GIGYF2: variants seen among roughly 807,000 people sequenced by gnomAD.
The protein encoded by GIGYF2 is GRB10 interacting GYF protein 2, also known as GRB10-interacting GYF protein 2.
A neutral mutation model predicts 208.1 loss-of-function variants in GIGYF2; 25 were observed. The observed-to-expected ratio is 0.12, with a 90% CI of 0.09 to 0.17. GIGYF2 has a LOEUF of 0.17. Ranked by LOEUF, GIGYF2 falls within the 10% of genes least tolerant of loss-of-function variation. The probability of loss-of-function intolerance (pLI) is 1.00; values close to 1 mark genes in which losing one functional copy is unlikely to be tolerated. For synonymous variants in GIGYF2, 534 were observed against 543.8 expected, an observed-to-expected ratio of 0.98 and a Z score of 0.25; for missense variants, 1,302 against 1,579.4, an observed-to-expected ratio of 0.82 and a Z score of 2.98.
At chr2:232,730,897 C>CAAAAAAAAA (rs34491260) in intron 2 of GIGYF2, among the ~76,000 whole-genome samples, 1 of 51,570 alleles carries the variant, frequency 1.9e-5, no homozygotes, top group Non-Finnish European at 3.7e-5. Context: ...GACTCCGTCT[C>CAAAAAAAAA]AAAAAAAAAA....
chr2:232,756,204 T>C lies in GIGYF2; in HGVS notation c.268-19T>C, dbSNP rs753849644. ...TCTTTTTTTCCTTTTTCTCTTTTTT[T>C]TTTTTTTTTTTTTGGCAGAGAAACT... On this transcript the variant is annotated intron_variant, in intron 5 of 28. Coordinates refer to ENST00000373563, the MANE Select transcript of GIGYF2 (RefSeq NM_001103146.3). 3.4e-6 allele frequency: 4 copies of C among 1,185,170 alleles called. No individual in the cohort carries two copies. Among genetic ancestry groups the C allele is most frequent in the East Asian group, 5.5e-5 (2 of 36,420 alleles). 73.4% of individuals were successfully genotyped at this position (1,185,170 alleles called of 1,614,324 possible). A position where few individuals can be genotyped will look rare whatever the true frequency, so the allele number is the denominator to read the frequency against.
intron 2 of GIGYF2, among the ~76,000 whole-genome samples, chr2:232,721,385 A>G (rs949753198): frequency 2.0e-5 from 3 of 152,236 alleles, no homozygotes; most frequent in African/African-American, 2.4e-5. Flanking sequence ...CCTCGTGTTC[A>G]TAAGATGTTT....
chr2:232,716,221 T>G (rs765188505), intron 2 of GIGYF2, among the ~76,000 whole-genome samples: 3 of 152,172 alleles, frequency 2.0e-5, no homozygotes, highest in Non-Finnish European at 4.4e-5. Flanking sequence ...TTCATCTTAC[T>G]TAGCTGTTTT....
At chr2:232,797,981 C>CAAAAAAAAA (rs57991158) in intron 14 of GIGYF2, among the ~76,000 whole-genome samples, 1 of 102,384 alleles carries the variant, frequency 9.8e-6, no homozygotes, top group African/African-American at 3.7e-5. Context: ...ACTGTGCCTC[C>CAAAAAAAAA]AAAAAAAAAA....
chr2:232,699,236 G>A (rs371587858), intron 1 of GIGYF2, among the ~76,000 whole-genome samples: 36 of 152,290 alleles, frequency 2.4e-4, no homozygotes, highest in African/African-American at 8.7e-4. Flanking sequence ...AGGCTAGGGA[G>A]CAGCAAGAGC....
intron 2 of GIGYF2, among the ~76,000 whole-genome samples, chr2:232,722,818 A>G (rs1697006067): frequency 6.6e-6 from 1 of 152,184 alleles, no homozygotes. Context: ...AACAAACTCT[A>G]GCATAGAACA....
chr2:232,846,918 A>G (rs1347715110), intron 26 of GIGYF2, among the ~76,000 whole-genome samples: 2 of 152,198 alleles, frequency 1.3e-5, no homozygotes, highest in Non-Finnish European at 2.9e-5. Context: ...CACTGCTTAC[A>G]TTTTCCATTT....
chr2:232,776,802 T>TTGG (rs1201594864), intron 8 of GIGYF2: 4 of 231,176 alleles, frequency 1.7e-5, no homozygotes, highest in Non-Finnish European at 3.3e-5. Flanking sequence ...AGGACCGGTC[T>TTGG]TTAGTAAGTT....
intron 3 of GIGYF2, among the ~76,000 whole-genome samples, chr2:232,738,735 A>G (rs943078254): frequency 1.3e-5 from 2 of 152,222 alleles, no homozygotes; most frequent in South Asian, 2.1e-4. Context: ...AATGATATGT[A>G]TATATACCCT....
Position 232,790,931 on chromosome 2 carries a change from T to C in GIGYF2, c.930+16T>C. ...TTCTCTAAAAGTAAGAAACGTGTTT[T>C]AAATGTCATGACCAGCATTAACCTT... On this transcript the variant is annotated intron_variant, in intron 10 of 28. Transcript: ENST00000373563. 1 of 1,612,990 alleles carries C rather than the reference T, an allele frequency of 6.2e-7. No homozygotes were observed. Among genetic ancestry groups the C allele is most frequent in the Non-Finnish European group, 8.5e-7 (1 of 1,178,972 alleles).
chr2:232,756,143 A>T, intron 5 of GIGYF2, 80 bp from the exon 6 acceptor site: 1 of 789,228 alleles, frequency 1.3e-6, no homozygotes, highest in South Asian at 1.6e-5. Context: ...GGGAGAAGCA[A>T]CATGTAGTTT....
intron 2 of GIGYF2, among the ~76,000 whole-genome samples, chr2:232,716,278 A>C (rs1232352040): frequency 6.6e-6 from 1 of 151,934 alleles, no homozygotes; most frequent in African/African-American, 2.4e-5. Flanking sequence ...CTTTTAGCCT[A>C]GTAAATGAGT....
intron 24 of GIGYF2, 34 bp downstream of exon 24, chr2:232,844,289 A>G: frequency 6.2e-7 from 1 of 1,610,974 alleles, no homozygotes; most frequent in Non-Finnish European, 8.5e-7. Context: ...CGTTGTATGG[A>G]CTAGTATTAT....
intron 28 of GIGYF2, among the ~76,000 whole-genome samples, chr2:232,855,753 T>TA (rs1454980459): frequency 6.6e-6 from 1 of 152,144 alleles, no homozygotes; most frequent in Non-Finnish European, 1.5e-5. Context: ...GTCAAGTAGT[T>TA]ACAAAGAACT....
chr2:232,847,624 G>A (rs1014030157), intron 27 of GIGYF2, 53 bp downstream of exon 27: 1 of 1,602,792 alleles, frequency 6.2e-7, no homozygotes, highest in African/African-American at 1.3e-5. Flanking sequence ...ACCTTTAGAT[G>A]TTGAGTAACC....
At chr2:232,768,779 A>AT (rs1699091441) in intron 8 of GIGYF2, 6 of 1,601,312 alleles carry the variant, frequency 3.7e-6, no homozygotes, top group African/African-American at 1.3e-5. Flanking sequence ...AAAAAGCTCG[A>AT]TTTTTTGGCC....
intron 2 of GIGYF2, among the ~76,000 whole-genome samples, chr2:232,720,406 T>C (rs1343862839): frequency 6.6e-6 from 1 of 152,182 alleles, no homozygotes; most frequent in Non-Finnish European, 1.5e-5. Context: ...AACATATGTG[T>C]GCATGTGTCT....
intron 28 of GIGYF2, 66 bp from the exon 29 acceptor site, chr2:232,856,727 C>T: frequency 1.1e-6 from 1 of 940,800 alleles, no homozygotes; most frequent in South Asian, 1.3e-5. Flanking sequence ...TTCCAGCTCA[C>T]CGCCTAGAAT....
In GIGYF2 at chr2:232,804,109, T is replaced by A. The variant is rs183753823; in HGVS notation, c.1640-2382T>A. 3.1e-3 allele frequency among the ~76,000 whole-genome samples: 474 copies of A among 151,834 alleles called. 2 individuals carry two copies. The highest frequency in any genetic ancestry group is 5.0e-3 in the Non-Finnish European group (339 of 67,876). On this transcript the variant is annotated intron_variant, in intron 14 of 28. Transcript: ENST00000373563. ...CCAGTTTAATCTTCTTTTAAAAAAATTTTTTTTTAGCTTTGTATTTCCTTC... is the reference window on the plus strand; with the variant it reads ...CCAGTTTAATCTTCTTTTAAAAAAAATTTTTTTTAGCTTTGTATTTCCTTC...
Sources: gnomAD v4.1 joint callset for allele counts (sites outside exome capture counted in the v4.1 genomes callset) on GRCh38, gnomAD v4.1.1 for gene constraint, MANE v1.5 for transcripts, NCBI Gene and HGNC (gene_info 2026-07-23, HGNC 2026-07-21) for gene names.